The following KTN1 variants were observed in gnomAD, a reference collection of about 807,000 sequenced individuals.
KTN1 encodes kinectin 1, also known as kinectin.
KTN1 carries 130 observed loss-of-function variants against 222.5 expected under a neutral mutation model. That is an observed-to-expected ratio of 0.58 (90% CI 0.51 to 0.68). The LOEUF (loss-of-function observed/expected upper bound fraction) is 0.68. Among genes scored for constraint, KTN1 ranks in the 30% least tolerant of loss-of-function variants. The pLI, the probability that KTN1 is intolerant of heterozygous loss-of-function variation, is 0.00. For synonymous variants in KTN1, 512 were observed against 496.3 expected, an observed-to-expected ratio of 1.03 and a Z score of -0.42; for missense variants, 1,508 against 1,500.4, an observed-to-expected ratio of 1.01 and a Z score of -0.08.
chr14:55,587,348 C>G (rs1272411143), intron 1 of KTN1, among the ~76,000 whole-genome samples: 1 of 152,148 alleles, frequency 6.6e-6, no homozygotes, highest in African/African-American at 2.4e-5. Flanking sequence ...ACATGAATTT[C>G]AGCAAAATGG....
At chr14:55,629,868 A>G in intron 6 of KTN1, 89 bp from the exon 7 acceptor site, 1 of 857,696 alleles carries the variant, frequency 1.2e-6, no homozygotes, top group Non-Finnish European at 1.9e-6. Flanking sequence ...TATTTTACTG[A>G]TGTTAAATAA....
At chr14:55,680,831 T>C in intron 43 of KTN1, 1 of 641,836 alleles carries the variant, frequency 1.6e-6, no homozygotes, top group Non-Finnish European at 2.6e-6. Flanking sequence ...AGCTCAAATC[T>C]TTTATCCTTG....
intron 24 of KTN1, among the ~76,000 whole-genome samples, 175 bp downstream of exon 24, chr14:55,650,812 G>A (rs947522079): frequency 2.0e-5 from 3 of 152,080 alleles, no homozygotes; most frequent in African/African-American, 2.4e-5. Flanking sequence ...ATTTTAATCT[G>A]TATATCTTAA....
At chr14:55,628,127 T>A in intron 6 of KTN1, 99 bp downstream of exon 6, 1 of 721,896 alleles carries the variant, frequency 1.4e-6, no homozygotes. Flanking sequence ...TATTTGTAAT[T>A]TATGTCCAAC....
chr14:55,641,031 GA>G, intron 16 of KTN1, 61 bp downstream of exon 16: 2 of 1,503,292 alleles, frequency 1.3e-6, no homozygotes, highest in Non-Finnish European at 1.8e-6. Flanking sequence ...AATTGTTGCA[GA>G]AAATATTGCT....
intron 1 of KTN1, among the ~76,000 whole-genome samples, chr14:55,580,806 C>T (rs941071054): frequency 7.9e-5 from 12 of 152,184 alleles, no homozygotes; most frequent in Non-Finnish European, 1.3e-4. Context: ...GGCAGCGCGT[C>T]TCCGGCGGCG....
chr14:55,592,161 A>G (rs563650350), intron 1 of KTN1, among the ~76,000 whole-genome samples: 1 of 152,150 alleles, frequency 6.6e-6, no homozygotes, highest in East Asian at 1.9e-4. Flanking sequence ...CTTTGTGTCT[A>G]GTTTAAGAAA....
At chr14:55,651,772 A>G (rs1383991975) in intron 24 of KTN1, 118 bp from the exon 25 acceptor site, 2 of 650,260 alleles carry the variant, frequency 3.1e-6, no homozygotes, top group East Asian at 2.9e-5. Flanking sequence ...TCATTTTGTC[A>G]TGAAAAATTC....
At chr14:55,624,526 G>T (rs1461375957) in intron 5 of KTN1, among the ~76,000 whole-genome samples, 1 of 152,158 alleles carries the variant, frequency 6.6e-6, no homozygotes, top group African/African-American at 2.4e-5. Context: ...AGTGGATATA[G>T]TCATTTTACA....
chr14:55,651,895 T>G lies in KTN1; in HGVS notation c.2571T>G (p.Ser857=). ...NVQLEKAQQL[S]ITSKVQELQN... is the part of the protein sequence containing the mutation. The stretch of plus-strand genomic sequence containing the variant: ...TTCTGTCCTTTGTATTTCAGTTATC[T>G]ATCACTTCCAAAGTTCAGGAGCTTC... The change falls in exon 25 of 44, where the codon TCT becomes TCG. Residue 857 remains serine, a synonymous_variant. Coordinates refer to ENST00000395314, the MANE Select transcript of KTN1 (RefSeq NM_001079521.2). The G allele has an allele frequency of 1.3e-6, 2 of 1,563,572 alleles. No individual in the cohort carries two copies. Among genetic ancestry groups the G allele is most frequent in the Non-Finnish European group, 1.8e-6 (2 of 1,140,628 alleles).
intron 1 of KTN1, among the ~76,000 whole-genome samples, chr14:55,591,317 T>G (rs1233516329): frequency 6.6e-6 from 1 of 152,196 alleles, no homozygotes; most frequent in East Asian, 1.9e-4. Flanking sequence ...GCTAGTGAGT[T>G]GAGACTAGAG....
rs533937030 is a variant in KTN1 at position 55,653,724 on chromosome 14, C to A, written c.2801+128C>A. 596 of 646,290 alleles carry A rather than the reference C, an allele frequency of 9.2e-4. 1 individual carries two copies. Among genetic ancestry groups the A allele is most frequent in the Non-Finnish European group, 1.2e-3 (458 of 377,058 alleles). 40.0% of individuals were successfully genotyped at this position (646,290 alleles called of 1,614,324 possible). On this transcript the variant is annotated intron_variant, in intron 28 of 43. Transcript: ENST00000395314. The stretch of plus-strand genomic sequence containing the variant: ...TATTGTTAAGTGGAAATTATAATTC[C>A]AGACGCAAATAGGCTAAGTCTCTGT...
At chr14:55,580,826 CGGA>C (rs1566634268) in intron 1 of KTN1, among the ~76,000 whole-genome samples, 138 of 152,220 alleles carry the variant, frequency 9.1e-4, no homozygotes, top group African/African-American at 3.0e-3. Flanking sequence ...GTCCCCGGGC[CGGA>C]GCTGGGCCAC....
chr14:55,596,169 A>AG (rs887496395), intron 1 of KTN1, among the ~76,000 whole-genome samples: 3 of 151,446 alleles, frequency 2.0e-5, no homozygotes, highest in African/African-American at 7.3e-5. Flanking sequence ...AAAAAAAAAA[A>AG]AAAAGTAAAA....
intron 7 of KTN1, among the ~76,000 whole-genome samples, chr14:55,630,444 A>G (rs1313520619): frequency 6.6e-6 from 1 of 152,190 alleles, no homozygotes; most frequent in Non-Finnish European, 1.5e-5. Context: ...GAGTAAAGAA[A>G]TGGGCACTGA....
chr14:55,640,466 A>G (rs768991567), intron 15 of KTN1, 24 bp downstream of exon 15: 2 of 1,534,486 alleles, frequency 1.3e-6, no homozygotes, highest in Non-Finnish European at 8.9e-7. Context: ...GCTTTTGAGC[A>G]TTGATCTCAG....
At chr14:55,641,323 G>A in intron 17 of KTN1, 115 bp downstream of exon 17, 2 of 640,390 alleles carry the variant, frequency 3.1e-6, no homozygotes, top group East Asian at 5.6e-5. Context: ...CAGTGTTTCT[G>A]TAGTTTATTA....
chr14:55,606,437 A>G (rs975362344), intron 1 of KTN1, among the ~76,000 whole-genome samples: 2 of 151,914 alleles, frequency 1.3e-5, no homozygotes, highest in Admixed American at 6.6e-5. Context: ...TGATTTGTTA[A>G]GTTTTTGCTA....
chr14:55,650,317 C>T lies in KTN1; in HGVS notation c.2406-11C>T. The T allele has an allele frequency of 6.4e-7, 1 of 1,562,614 alleles. No individual in the cohort carries two copies. The highest frequency in any genetic ancestry group is 8.7e-7 in the Non-Finnish European group (1 of 1,151,582). On this transcript the variant is annotated splice_polypyrimidine_tract_variant and intron_variant, in intron 22 of 43. Transcript: ENST00000395314. ...TTTCTAATCAAATTATACTGCATTTCTTTATTGAAGGATCCATGAGAAAGA... is the reference window on the plus strand; with the variant it reads ...TTTCTAATCAAATTATACTGCATTTTTTTATTGAAGGATCCATGAGAAAGA...
Sources: gnomAD v4.1 joint callset for allele counts (sites outside exome capture counted in the v4.1 genomes callset) on GRCh38, gnomAD v4.1.1 for gene constraint, MANE v1.5 for transcripts, NCBI Gene and HGNC (gene_info 2026-07-23, HGNC 2026-07-21) for gene names.